The following DDX3Y variants were observed in gnomAD, a reference collection of about 807,000 sequenced individuals.
The protein encoded by DDX3Y is ATP-dependent RNA helicase DDX3Y.
Under a neutral mutation model 15.1 loss-of-function variants are expected in DDX3Y, and 2 were observed. The observed-to-expected ratio is 0.13, with a 90% CI of 0.05 to 0.42. DDX3Y has a LOEUF of 0.42. Ranked by LOEUF, DDX3Y falls within the 10% of genes least tolerant of loss-of-function variation. The pLI, the probability that DDX3Y is intolerant of heterozygous loss-of-function variation, is 0.99. For synonymous variants in DDX3Y, 47 were observed against 45.0 expected, an observed-to-expected ratio of 1.04 and a Z score of -0.18; for missense variants, 81 against 149.9, an observed-to-expected ratio of 0.54 and a Z score of 2.40.
rs2053652169 is a variant in DDX3Y at position 12,917,345 on chromosome Y, A to G, written c.1764-58A>G. On this transcript the variant is annotated intron_variant, in intron 15 of 16. Transcript: ENST00000336079. ...TGGGAATTGCAGGGTTTAAGCAGTA[A>G]TTTTCAGTTTAATTGAACTTTGTAC... 4 of 381,224 alleles carry G rather than the reference A, an allele frequency of 1.0e-5. No individual in the cohort carries two copies. In the African/African-American group the frequency reaches 2.0e-4, roughly 19 times the overall value.
chrY:12,910,228 TAAG>T (rs2053623718), intron 3 of DDX3Y, among the ~76,000 whole-genome samples: 1 of 33,437 alleles, frequency 3.0e-5, no homozygotes, highest in Non-Finnish European at 7.4e-5. Context: ...TTAACTGCCT[TAAG>T]GAGAGTTGGC....
intron 3 of DDX3Y, among the ~76,000 whole-genome samples, chrY:12,911,375 T>C (rs2053627444): frequency 3.0e-5 from 1 of 33,579 alleles, no homozygotes; most frequent in Admixed American, 2.7e-4. Context: ...TTTTGTATTA[T>C]TCAGGATTTG....
Position 12,919,052 on chromosome Y carries a change from G to C in DDX3Y, c.*930G>C. ...CCAGGCCTCACTACAGGCCTGGTTG[G>C]ATTCTGGTCTTTAATGCATGCTAGT... is the stretch of plus-strand genomic sequence containing the variant. On this transcript the variant is annotated 3_prime_UTR_variant, in exon 17 of 17. Transcript: ENST00000336079. The C allele has an allele frequency of 3.0e-5, 1 of 33,347 alleles. No homozygotes were observed. Among genetic ancestry groups the C allele is most frequent in the Non-Finnish European group, 7.4e-5 (1 of 13,490 alleles). 8.3% of individuals were successfully genotyped at this position (33,347 alleles called of 400,897 possible).
In DDX3Y at chrY:12,909,389, A is replaced by T. The variant is rs1295686202; in HGVS notation, c.133A>T (p.Asn45Tyr). 7.6e-6 allele frequency: 3 copies of T among 395,946 alleles called. No individual in the cohort carries two copies. The highest frequency in any genetic ancestry group is 1.1e-5 in the Non-Finnish European group (3 of 281,917). ...KGRYIPPHLR[N>Y]REASKGFHDK... ...GCGCTATATACCTCCTCACTTAAGGAACAGAGAAGCATCTAAAGGTACGTC... is the reference window on the plus strand; with the variant it reads ...GCGCTATATACCTCCTCACTTAAGGTACAGAGAAGCATCTAAAGGTACGTC... Residue 45 changes from asparagine to tyrosine, a missense_variant, in exon 3 of 17, where the codon AAC becomes TAC. By Grantham distance (143) the Asn-to-Tyr change is moderately radical. Coordinates refer to ENST00000336079, the MANE Select transcript of DDX3Y (RefSeq NM_004660.5).
At chrY:12,912,380 C>T in intron 4 of DDX3Y, among the ~76,000 whole-genome samples, 1 of 33,408 alleles carries the variant, frequency 3.0e-5, no homozygotes, top group Non-Finnish European at 7.4e-5. Flanking sequence ...AAGTGTTATT[C>T]CTGCTTTCCT....
At chrY:12,916,060 T>C in intron 12 of DDX3Y, 33 bp downstream of exon 12, 1 of 381,310 alleles carries the variant, frequency 2.6e-6, no homozygotes, top group Non-Finnish European at 3.7e-6. Context: ...GTCAGTTACA[T>C]GTAAAGATAA....
intron 1 of DDX3Y, among the ~76,000 whole-genome samples, chrY:12,907,028 G>GTT (rs555293982): frequency 2.4e-4 from 6 of 24,605 alleles, no homozygotes; most frequent in African/African-American, 1.0e-3. Context: ...ACATAGTGAA[G>GTT]TTTTTTTTTT....
At chrY:12,914,133 A>C in intron 7 of DDX3Y, among the ~76,000 whole-genome samples, 1 of 34,292 alleles carries the variant, frequency 2.9e-5, no homozygotes. Flanking sequence ...TGCAGCCTTT[A>C]GGTCAAACCT....
chrY:12,916,666 T>A, intron 14 of DDX3Y, 32 bp downstream of exon 14: 2 of 302,469 alleles, frequency 6.6e-6, no homozygotes, highest in Non-Finnish European at 1.0e-5. Flanking sequence ...TTTTTTTTAA[T>A]TGTGATGCAT....
intron 4 of DDX3Y, 54 bp from the exon 5 acceptor site, chrY:12,912,673 A>G: frequency 2.6e-6 from 1 of 388,808 alleles, no homozygotes; most frequent in Non-Finnish European, 3.6e-6. Flanking sequence ...TTCTAGAGCG[A>G]TGATAATCTA....
rs2053652910 is a variant in DDX3Y, at chrY:12,917,464, T to C, written c.1825T>C (p.Ser609Pro). Reference protein sequence around the residue: ...DYRQSSGSSSSGFGASRGSSS... With the variant: ...DYRQSSGSSSPGFGASRGSSS... ...TCGACAAAGTAGTGGTTCCAGCAGT[T>C]CTGGCTTTGGTGCTAGTCGCGGAAG... is the stretch of plus-strand genomic sequence containing the variant. The change falls in exon 16 of 17, where the codon TCT (serine) becomes CCT (proline). Residue 609 changes from serine (S) to proline (P), a missense_variant. By Grantham distance (74) the Ser-to-Pro change is moderately conservative. Coordinates refer to ENST00000336079, the MANE Select transcript of DDX3Y (RefSeq NM_004660.5). The C allele has an allele frequency of 2.5e-6, 1 of 396,955 alleles. No individual in the cohort carries two copies. Among genetic ancestry groups the C allele is most frequent in the African/African-American group, 6.4e-5 (1 of 15,709 alleles).
intron 2 of DDX3Y, 127 bp from the exon 3 acceptor site, chrY:12,909,233 A>C: frequency 5.7e-6 from 1 of 175,782 alleles, no homozygotes; most frequent in African/African-American, 8.6e-5. Flanking sequence ...CATCTTGCAA[A>C]GTAGTTTATT....
At chrY:12,911,522 G>A in intron 3 of DDX3Y, among the ~76,000 whole-genome samples, 1 of 33,229 alleles carries the variant, frequency 3.0e-5, no homozygotes, top group Non-Finnish European at 7.4e-5. Context: ...ATTGGAGTAG[G>A]TTTATATTTT....
Position 12,911,828 on chromosome Y carries a change from T to C in DDX3Y, c.152-11T>C. ...TCTTGTCACCTTCTGATTTTTGCTT[T>C]TTTATTGAAGGATTCCATGATAAAG... On this transcript the variant is annotated splice_polypyrimidine_tract_variant and intron_variant, in intron 3 of 16. Coordinates refer to ENST00000336079, the MANE Select transcript of DDX3Y (RefSeq NM_004660.5). 2 of 390,493 alleles carry C rather than the reference T, an allele frequency of 5.1e-6. No homozygotes were observed. The highest frequency in any genetic ancestry group is 7.2e-6 in the Non-Finnish European group (2 of 279,460).
chrY:12,913,877 A>T, intron 7 of DDX3Y, 24 bp downstream of exon 7: 1 of 380,512 alleles, frequency 2.6e-6, no homozygotes, highest in Non-Finnish European at 3.7e-6. Flanking sequence ...ATACAAAGTG[A>T]AAGTTAAGAA....
At position 12,920,059 on chromosome Y, in the gene DDX3Y, T is replaced by C; in HGVS notation, c.*1937T>C. The C allele has an allele frequency of 3.0e-5, 1 of 33,642 alleles. No homozygotes were observed. The highest frequency in any genetic ancestry group is 7.4e-5 in the Non-Finnish European group (1 of 13,514). 8.4% of individuals were successfully genotyped at this position (33,642 alleles called of 400,897 possible). On this transcript the variant is annotated 3_prime_UTR_variant, in exon 17 of 17. Coordinates refer to ENST00000336079, the MANE Select transcript of DDX3Y (RefSeq NM_004660.5). ...AATTAAGCAGACCCGGCATTGGCAATGTAGCTGTAATTTTCTGACAAAATT... is the reference window on the plus strand; with the variant it reads ...AATTAAGCAGACCCGGCATTGGCAACGTAGCTGTAATTTTCTGACAAAATT...
In DDX3Y at chrY:12,919,968, G is replaced by A. The variant is rs2053661523; in HGVS notation, c.*1846G>A. On this transcript the variant is annotated 3_prime_UTR_variant, in exon 17 of 17. Transcript: ENST00000336079. ...TGGCACTTGAATGTTGAATGTCACCGTATGTGAAATAATATATTTTGGGGT... is the reference window on the plus strand; with the variant it reads ...TGGCACTTGAATGTTGAATGTCACCATATGTGAAATAATATATTTTGGGGT... 3.0e-5 allele frequency: 1 copy of A among 33,852 alleles called. No homozygotes were observed. The highest frequency in any genetic ancestry group is 6.3e-4 in the South Asian group (1 of 1,576). 8.4% of individuals were successfully genotyped at this position (33,852 alleles called of 400,897 possible). A position where few individuals can be genotyped will look rare whatever the true frequency, so the allele number is the denominator to read the frequency against.
intron 7 of DDX3Y, among the ~76,000 whole-genome samples, chrY:12,914,129 C>G (rs745927073): frequency 2.9e-5 from 1 of 34,209 alleles, no homozygotes; most frequent in South Asian, 6.4e-4. Context: ...AAACTGCAGC[C>G]TTTAGGTCAA....
chrY:12,916,264 G>C lies in DDX3Y; in HGVS notation c.1313G>C (p.Ser438Thr), dbSNP rs72625359. The C allele has an allele frequency of 2.0e-4, 79 of 395,722 alleles. No individual in the cohort carries two copies. The African/African-American group carries it at 4.8e-3, about 24-fold the overall frequency. ...FLLDILGATG[S>T]DSLTLVFVET... is the part of the protein sequence containing the mutation. ...ACAAAGCCTTATAATTTTTCAGGGAGTGATTCACTTACTTTAGTGTTTGTG... is the reference window on the plus strand; with the variant it reads ...ACAAAGCCTTATAATTTTTCAGGGACTGATTCACTTACTTTAGTGTTTGTG... Residue 438 changes from serine (S) to threonine (T), a missense_variant, in exon 13 of 17, where the codon AGT becomes ACT. Transcript: ENST00000336079.
Sources: allele counts gnomAD v4.1 joint callset (sites outside exome capture counted in the v4.1 genomes callset), GRCh38; gene constraint gnomAD v4.1.1; transcripts MANE v1.5; gene names NCBI Gene and HGNC (gene_info 2026-07-23, HGNC 2026-07-21).